The following SCIN variants were observed in gnomAD, a reference collection of about 807,000 sequenced individuals.
SCIN encodes adseverin.
SCIN carries 91 observed loss-of-function variants against 91.8 expected under a neutral mutation model. That is an observed-to-expected ratio of 0.99 (90% CI 0.84 to 1.18). The LOEUF (loss-of-function observed/expected upper bound fraction) is 1.18, where lower values mean the gene tolerates loss of function less well. Ranked by LOEUF, SCIN falls within the 50% of genes most tolerant of loss-of-function variation. SCIN has a pLI of 0.00. For missense variants in SCIN, 1,087 were observed against 863.9 expected, an observed-to-expected ratio of 1.26 and a Z score of -3.24; for synonymous variants, 367 against 312.6, an observed-to-expected ratio of 1.17 and a Z score of -1.84.
At chr7:12,594,944 G>A (rs1027765629) in intron 3 of SCIN, among the ~76,000 whole-genome samples, 1 of 152,110 alleles carries the variant, frequency 6.6e-6, no homozygotes, top group African/African-American at 2.4e-5. Flanking sequence ...CTTTGATGGT[G>A]GATGAGGTGG....
rs544127898 is a variant in SCIN at position 12,619,192 on chromosome 7, T to A, written c.667-3609T>A. ...CAGTGATATGTAGCTTTGAGTTACA[T>A]ATTGTGCTTCTTCAAGGTCATGCAT... On this transcript the variant is annotated intron_variant, in intron 4 of 15. Transcript: ENST00000297029. Among the ~76,000 whole-genome samples, 8 of 152,226 alleles carry A rather than the reference T, an allele frequency of 5.3e-5. 1 individual carries two copies. The South Asian group carries it at 1.7e-3, about 32-fold the overall frequency.
At position 12,578,107 on chromosome 7, in the gene SCIN, CACTGTTCAGATGGATG is replaced by C; in HGVS notation, c.247_262del (p.Val83IlefsTer28). 6.5e-7 allele frequency: 1 copy of C among 1,549,060 alleles called. No homozygotes were observed. The highest frequency in any genetic ancestry group is 1.2e-5 in the South Asian group (1 of 83,668). On this transcript the variant is annotated frameshift_variant, in exon 2 of 16. Coordinates refer to ENST00000297029, the MANE Select transcript of SCIN (RefSeq NM_001112706.3). LOFTEE classifies it high-confidence loss of function. The stretch of plus-strand genomic sequence containing the variant: ...ATGAAAGCACAGCTGCTGCCATCTT[CACTGTTCAGATGGATG>C]ACTATTTGGGTGGCAAGCCAGTGCA...
chr7:12,616,106 T>TA (rs1783294402), intron 4 of SCIN, among the ~76,000 whole-genome samples: 2 of 152,038 alleles, frequency 1.3e-5, no homozygotes, highest in African/African-American at 4.8e-5. Flanking sequence ...TTACCCAACT[T>TA]AGTTTTTTAT....
rs1285218509 is a variant in SCIN, at chr7:12,651,581, A to G, written c.1960-260A>G. 6.6e-6 allele frequency among the ~76,000 whole-genome samples: 1 copy of G among 151,904 alleles called. No individual in the cohort carries two copies. Among genetic ancestry groups the G allele is most frequent in the African/African-American group, 2.4e-5 (1 of 41,330 alleles). On this transcript the variant is annotated intron_variant, in intron 14 of 15. Coordinates refer to ENST00000297029, the MANE Select transcript of SCIN (RefSeq NM_001112706.3). This position sits in a 1 kb window ranked among gnomAD's most constrained non-coding sequence, Gnocchi z 5.9. ...TTTGTGAAAGATCACTTTACAAACT[A>G]GAAAGTACCATGTAAACATAAAATA...
chr7:12,629,919 T>A (rs186775560), intron 9 of SCIN, among the ~76,000 whole-genome samples: 117 of 151,844 alleles, frequency 7.7e-4, no homozygotes, highest in African/African-American at 2.7e-3. Context: ...TTAAGTGAAA[T>A]CAGGTAAAAA....
intron 8 of SCIN, among the ~76,000 whole-genome samples, chr7:12,628,696 A>G (rs373901142): frequency 6.6e-6 from 1 of 152,180 alleles, no homozygotes; most frequent in African/African-American, 2.4e-5. Flanking sequence ...ATAGTCCGCT[A>G]TCTTAAAGCA....
chr7:12,606,888 G>T (rs1016903101), intron 4 of SCIN, among the ~76,000 whole-genome samples: 4 of 152,166 alleles, frequency 2.6e-5, no homozygotes, highest in African/African-American at 9.7e-5. Context: ...ACTTTGAAAA[G>T]TATTCAAAAC....
chr7:12,642,264 C>T (rs1783872993), intron 11 of SCIN, among the ~76,000 whole-genome samples: 2 of 152,080 alleles, frequency 1.3e-5, no homozygotes, highest in South Asian at 4.1e-4. Flanking sequence ...TAAGGAATCT[C>T]CTGGATTTCT....
chr7:12,570,823 G>A lies in SCIN; in HGVS notation c.37G>A (p.Ala13Thr), dbSNP rs1439223686. 1 of 1,551,536 alleles carries A rather than the reference G, an allele frequency of 6.4e-7. No homozygotes were observed. The highest frequency in any genetic ancestry group is 1.4e-5 in the African/African-American group (1 of 73,194). Residue 13 changes from alanine (A) to threonine (T), a missense_variant, in exon 1 of 16, where the codon GCG becomes ACG. By Grantham distance (58) the Ala-to-Thr change is moderately conservative (BLOSUM62 0). Coordinates refer to ENST00000297029, the MANE Select transcript of SCIN (RefSeq NM_001112706.3). ...GCTATACCACGAAGAGTTCGCCCGG[G>A]CGGGCAAGCAGGCGGGGCTGCAGGT... The part of the protein sequence containing the change: ...RELYHEEFAR[A>T]GKQAGLQVWR...
chr7:12,577,523 C>T (rs1326435682), intron 1 of SCIN: 2 of 455,910 alleles, frequency 4.4e-6, no homozygotes, highest in Admixed American at 2.4e-5. Context: ...AACAGTGTTT[C>T]TTTTTAAAAT....
rs1280533455 is a variant in SCIN at position 12,625,780 on chromosome 7, AAG to A, written c.916_917del (p.Arg306GlufsTer8). ...ATTTTAGGTAAAGATGCTAATCCCC[AAG>A]AGAGGAAGGCTGCAATGAAGACAGC... On this transcript the variant is annotated frameshift_variant, in exon 7 of 16. Coordinates refer to ENST00000297029, the MANE Select transcript of SCIN (RefSeq NM_001112706.3). LOFTEE classifies it high-confidence loss of function. 10 of 1,611,556 alleles carry A rather than the reference AAG, an allele frequency of 6.2e-6. No individual in the cohort carries two copies. Among genetic ancestry groups the A allele is most frequent in the Non-Finnish European group, 7.6e-6 (9 of 1,178,332 alleles).
Position 12,653,751 on chromosome 7 carries a change from T to C in SCIN, c.*1036T>C, listed in dbSNP as rs1220094934. ...GCCAAGTTCAAGTAAGTTAACGATATCAAGTTACTTACTGGCAGGTAGCCA... is the reference window on the plus strand; with the variant it reads ...GCCAAGTTCAAGTAAGTTAACGATACCAAGTTACTTACTGGCAGGTAGCCA... On this transcript the variant is annotated 3_prime_UTR_variant, in exon 16 of 16. Coordinates refer to ENST00000297029, the MANE Select transcript of SCIN (RefSeq NM_001112706.3). The surrounding 1 kb of genome is among the most constrained non-coding windows in gnomAD (Gnocchi z 4.1). 1 of 152,196 alleles carries C rather than the reference T, an allele frequency of 6.6e-6. No individual in the cohort carries two copies. Among genetic ancestry groups the C allele is most frequent in the Non-Finnish European group, 1.5e-5 (1 of 68,032 alleles). The allele number at this position is 152,196 out of a possible 1,614,324, so 9.4% of individuals were successfully genotyped here. A position where few individuals can be genotyped will look rare whatever the true frequency, so the allele number is the denominator to read the frequency against.
chr7:12,629,306 G>A, intron 9 of SCIN, 84 bp downstream of exon 9: 5 of 1,260,504 alleles, frequency 4.0e-6, no homozygotes, highest in African/African-American at 1.5e-5. Flanking sequence ...TTATGGGGTA[G>A]AATAATCCTA....
At chr7:12,633,574 G>A (rs1468868388) in intron 9 of SCIN, among the ~76,000 whole-genome samples, 3 of 152,182 alleles carry the variant, frequency 2.0e-5, no homozygotes, top group Non-Finnish European at 4.4e-5. Context: ...ACTTAGTGAT[G>A]TTTTGCAGGT....
At chr7:12,608,974 T>C (rs533664887) in intron 4 of SCIN, among the ~76,000 whole-genome samples, 3 of 152,358 alleles carry the variant, frequency 2.0e-5, no homozygotes, top group South Asian at 2.1e-4. Context: ...ATTAAAGTGC[T>C]CAACACTGAA....
chr7:12,636,787 C>T (rs1036000153), intron 10 of SCIN, among the ~76,000 whole-genome samples: 2 of 151,962 alleles, frequency 1.3e-5, no homozygotes, highest in East Asian at 1.9e-4. Context: ...ACGAGGATAT[C>T]GAACATTCCC....
At chr7:12,583,845 T>C (rs1782536149) in intron 3 of SCIN, among the ~76,000 whole-genome samples, 2 of 152,284 alleles carry the variant, frequency 1.3e-5, no homozygotes, top group South Asian at 4.1e-4. Flanking sequence ...TATTTAATAG[T>C]AAATTATTTT....
At chr7:12,625,896 A>G (rs759029791) in intron 7 of SCIN, 46 bp downstream of exon 7, 1 of 1,361,174 alleles carries the variant, frequency 7.3e-7, no homozygotes, top group South Asian at 1.3e-5. Context: ...AAAACATTGG[A>G]GCTCATGACA....
intron 13 of SCIN, among the ~76,000 whole-genome samples, chr7:12,647,167 G>C (rs897582049): frequency 6.6e-6 from 1 of 152,150 alleles, no homozygotes; most frequent in Non-Finnish European, 1.5e-5. Flanking sequence ...TTTGTTCTCA[G>C]TGTGTTTAAA....
Sources: gnomAD v4.1 joint callset for allele counts (sites outside exome capture counted in the v4.1 genomes callset) on GRCh38, gnomAD v4.1.1 for gene constraint, Gnocchi (gnomAD v3.1) non-coding constraint, MANE v1.5 for transcripts, NCBI Gene and HGNC (gene_info 2026-07-23, HGNC 2026-07-21) for gene names.